Variants in DHX38 observed in about 807,000 individuals in gnomAD.
DHX38 encodes the protein pre-mRNA-splicing factor ATP-dependent RNA helicase PRP16.
In DHX38, 100 loss-of-function variants were observed where a neutral mutation model predicts 153.1. The ratio of observed to expected loss-of-function variants is 0.65; its 90% CI spans 0.56 to 0.77. The LOEUF (loss-of-function observed/expected upper bound fraction) is 0.77. Ranked by LOEUF, DHX38 falls within the 30% of genes least tolerant of loss-of-function variation. The pLI, the probability that DHX38 is intolerant of heterozygous loss-of-function variation, is 0.00. For missense variants in DHX38, 1,440 were observed against 1,654.0 expected (o/e 0.87, Z 2.24); for synonymous variants, 650 against 631.7 (o/e 1.03, Z -0.43).
In DHX38 at chr16:72,101,070, C is replaced by T. The variant is rs1435356668; in HGVS notation, c.1279-16C>T. The T allele has an allele frequency of 6.2e-7, 1 of 1,613,094 alleles. No homozygotes were observed. The highest frequency in any genetic ancestry group is 2.2e-5 in the East Asian group (1 of 44,894). On this transcript the variant is annotated splice_polypyrimidine_tract_variant and intron_variant, in intron 9 of 26. Coordinates refer to ENST00000268482, the MANE Select transcript of DHX38 (RefSeq NM_014003.4). The stretch of plus-strand genomic sequence containing the variant: ...CTGATTTTAACGGGCATCGCTCTTT[C>T]TCCCCACTGCTGCAGCCGGAGCCGG...
chr16:72,098,022 T>C (rs1367621735), intron 4 of DHX38, among the ~76,000 whole-genome samples: 1 of 152,134 alleles, frequency 6.6e-6, no homozygotes, highest in East Asian at 1.9e-4. Context: ...TAGGAAAGAA[T>C]AGGGAGCTGG....
In DHX38 at chr16:72,101,066, C is replaced by G; in HGVS notation, c.1279-20C>G. On this transcript the variant is annotated intron_variant, in intron 9 of 26. Coordinates refer to ENST00000268482, the MANE Select transcript of DHX38 (RefSeq NM_014003.4). ...CTTGCTGATTTTAACGGGCATCGCT[C>G]TTTCTCCCCACTGCTGCAGCCGGAG... is the stretch of plus-strand genomic sequence containing the variant. 6.2e-7 allele frequency: 1 copy of G among 1,612,834 alleles called. No homozygotes were observed. Among genetic ancestry groups the G allele is most frequent in the South Asian group, 1.1e-5 (1 of 91,022 alleles).
At position 72,107,543 on chromosome 16, in the gene DHX38, A is replaced by G; in HGVS notation, c.2804A>G (p.Asn935Ser). Reference sequence around the variant, plus strand: ...CTCTGGATCCTCGGGGCCCTGGACAACACAGGTGAGGCGGCCCCGGGAGCC... The same window carrying G: ...CTCTGGATCCTCGGGGCCCTGGACAGCACAGGTGAGGCGGCCCCGGGAGCC... ...YQLWILGALD[N>S]TGGLTSTGRL... is the part of the protein sequence containing the mutation. The change falls in exon 20 of 27, where the codon AAC becomes AGC. Residue 935 changes from asparagine (N) to serine (S), a missense_variant. By Grantham distance (46) the Asn-to-Ser change is conservative. Around this residue, in one of 6 missense-constraint regions of DHX38, gnomAD observed 543 missense variants for 717.9 expected, o/e 0.76. Transcript: ENST00000268482. This position sits in a 1 kb window ranked among gnomAD's most constrained non-coding sequence, Gnocchi z 5.3. 1 of 1,612,114 alleles carries G rather than the reference A, an allele frequency of 6.2e-7. No homozygotes were observed. The highest frequency in any genetic ancestry group is 1.1e-5 in the South Asian group (1 of 91,036).
In DHX38 at chr16:72,096,881, TTTGGGAACGCA is replaced by T; in HGVS notation, c.384_394del (p.Phe128LeufsTer34). 1 of 1,613,902 alleles carries T rather than the reference TTTGGGAACGCA, an allele frequency of 6.2e-7. No individual in the cohort carries two copies. Among genetic ancestry groups the T allele is most frequent in the Non-Finnish European group, 8.5e-7 (1 of 1,179,920 alleles). On this transcript the variant is annotated frameshift_variant, in exon 3 of 27. Coordinates refer to ENST00000268482, the MANE Select transcript of DHX38 (RefSeq NM_014003.4). LOFTEE classifies it high-confidence loss of function. ...CATCCGGGTGGTGTGAGCGAAGAGT[TTTGGGAACGCA>T]GTCGGCAGAGAGAGCGGGAGCGGCG...
intron 26 of DHX38, chr16:72,112,113 A>G (rs943163591): frequency 6.8e-6 from 3 of 442,598 alleles, no homozygotes; most frequent in African/African-American, 5.8e-5. Flanking sequence ...AGGCTGCTAC[A>G]CAGTTGGAGT....
In DHX38 at chr16:72,104,266, C is replaced by T; in HGVS notation, c.2010+135C>T. On this transcript the variant is annotated intron_variant, in intron 14 of 26. Coordinates refer to ENST00000268482, the MANE Select transcript of DHX38 (RefSeq NM_014003.4). The surrounding 1 kb of genome is among the most constrained non-coding windows in gnomAD (Gnocchi z 4.5). ...GTTCCTGAGGCCTCTGGTTGCAGTT[C>T]AGACTCGGGTTGTAGTTCATGCTGT... The T allele has an allele frequency of 7.9e-7, 1 of 1,271,340 alleles. No homozygotes were observed. Among genetic ancestry groups the T allele is most frequent in the South Asian group, 1.5e-5 (1 of 68,272 alleles). 78.8% of individuals were successfully genotyped at this position (1,271,340 alleles called of 1,614,324 possible).
At chr16:72,110,566 AC>A (rs2042242530) in intron 25 of DHX38, among the ~76,000 whole-genome samples, 1 of 152,118 alleles carries the variant, frequency 6.6e-6, no homozygotes, top group African/African-American at 2.4e-5. Context: ...GCTTTGGCTT[AC>A]CCCTTTTCGT....
chr16:72,111,193 T>G, intron 26 of DHX38, 116 bp downstream of exon 26: 1 of 1,393,946 alleles, frequency 7.2e-7, no homozygotes, highest in Non-Finnish European at 9.4e-7. Context: ...GAAGGCAAAC[T>G]GGTGACAGAA....
At position 72,104,849 on chromosome 16, in the gene DHX38, C is replaced by T. The variant is rs1597445311; in HGVS notation, c.2152-178C>T. ...TTTCTTTGAGGCTGAAGTACAGGGC[C>T]CAGGGAGGCACTGTGCCCTCTTGTA... On this transcript the variant is annotated intron_variant, in intron 15 of 26. Transcript: ENST00000268482. This position sits in a 1 kb window ranked among gnomAD's most constrained non-coding sequence, Gnocchi z 4.5. Among the ~76,000 whole-genome samples, 1 of 152,212 alleles carries T rather than the reference C, an allele frequency of 6.6e-6. No individual in the cohort carries two copies. Among genetic ancestry groups the T allele is most frequent in the East Asian group, 1.9e-4 (1 of 5,166 alleles).
Position 72,095,894 on chromosome 16 carries a change from GGTGTGT to G in DHX38, c.-19-222_-19-217del, listed in dbSNP as rs67109934. Among the ~76,000 whole-genome samples, 1,018 of 147,256 alleles carry G rather than the reference GGTGTGT, an allele frequency of 6.9e-3. 14 individuals are homozygous for G. Among genetic ancestry groups the G allele is most frequent in the African/African-American group, 0.023 (931 of 39,818 alleles). ...GTGGGGGCTGGGGAGGAATGTATGG[GGTGTGT>G]GTGTGTGTGTGTGTGTGTGTGTATC... is the stretch of plus-strand genomic sequence containing the variant. On this transcript the variant is annotated intron_variant, in intron 1 of 26. Transcript: ENST00000268482.
chr16:72,107,581 G>A lies in DHX38; in HGVS notation c.2809+33G>A. 6.2e-7 allele frequency: 1 copy of A among 1,609,488 alleles called. No individual in the cohort carries two copies. The highest frequency in any genetic ancestry group is 8.5e-7 in the Non-Finnish European group (1 of 1,176,228). On this transcript the variant is annotated intron_variant, in intron 20 of 26. Coordinates refer to ENST00000268482, the MANE Select transcript of DHX38 (RefSeq NM_014003.4). The surrounding 1 kb of genome is among the most constrained non-coding windows in gnomAD (Gnocchi z 5.3). The stretch of plus-strand genomic sequence containing the variant: ...GGCCCCGGGAGCCTCATGGGTGCTG[G>A]CGCTTGACTTCCTTCTTTCCTCTAC...
In DHX38 at chr16:72,107,779, G is replaced by A; in HGVS notation, c.2944G>A (p.Ala982Thr). ...LLIVSMLSVP[A>T]IFYRPKGREE... is the part of the protein sequence containing the mutation. ...CATCGTTTCCATGCTCTCGGTCCCA[G>A]CCATCTTCTACAGGCCCAAGGTGGG... Residue 982 changes from alanine (A) to threonine (T), a missense_variant, in exon 21 of 27, where the codon GCC (alanine) becomes ACC (threonine). Physicochemically the swap from Ala to Thr is moderately conservative, Grantham distance 58. Coordinates refer to ENST00000268482, the MANE Select transcript of DHX38 (RefSeq NM_014003.4). This position sits in a 1 kb window ranked among gnomAD's most constrained non-coding sequence, Gnocchi z 5.3. 1 of 1,613,812 alleles carries A rather than the reference G, an allele frequency of 6.2e-7. No homozygotes were observed. The highest frequency in any genetic ancestry group is 8.5e-7 in the Non-Finnish European group (1 of 1,180,020).
intron 11 of DHX38, among the ~76,000 whole-genome samples, chr16:72,102,594 G>C (rs1343781443): frequency 6.6e-6 from 1 of 152,222 alleles, no homozygotes; most frequent in Non-Finnish European, 1.5e-5. Context: ...AAACCGTACA[G>C]ACTATGCTTT....
intron 19 of DHX38, among the ~76,000 whole-genome samples, 168 bp downstream of exon 19, chr16:72,106,285 G>C (rs369145881): frequency 6.6e-6 from 1 of 152,214 alleles, no homozygotes; most frequent in African/African-American, 2.4e-5. Context: ...CTGAGTGGAA[G>C]GAAGGAGTGG....
chr16:72,105,408 G>C, intron 17 of DHX38, 60 bp downstream of exon 17: 1 of 1,601,048 alleles, frequency 6.2e-7, no homozygotes, highest in East Asian at 2.2e-5. Context: ...AGCGAGAGGG[G>C]ATGTGACTGT....
chr16:72,102,405 G>A (rs2042113622), intron 11 of DHX38, among the ~76,000 whole-genome samples: 1 of 152,092 alleles, frequency 6.6e-6, no homozygotes, highest in Non-Finnish European at 1.5e-5. Context: ...TGGGGAGGGG[G>A]TTGGGGAGGG....
chr16:72,099,800 C>G lies in DHX38; in HGVS notation c.1029C>G (p.Ser343=). The part of the protein sequence containing the change: ...YDEFHNPLAY[S]SEDYVRRREQ... ...AGTTCCACAACCCGCTGGCCTACTCCTCCGAGGACTACGTGAGGAGGCGGG... is the reference window on the plus strand; with the variant it reads ...AGTTCCACAACCCGCTGGCCTACTCGTCCGAGGACTACGTGAGGAGGCGGG... The change falls in exon 8 of 27, where the codon TCC becomes TCG. Residue 343 remains serine (S), a synonymous_variant. Transcript: ENST00000268482. 1 of 1,614,176 alleles carries G rather than the reference C, an allele frequency of 6.2e-7. No individual in the cohort carries two copies. The highest frequency in any genetic ancestry group is 8.5e-7 in the Non-Finnish European group (1 of 1,180,032).
At position 72,105,477 on chromosome 16, in the gene DHX38, C is replaced by G. The variant is rs201627330; in HGVS notation, c.2380-40C>G. On this transcript the variant is annotated intron_variant, in intron 17 of 26. Coordinates refer to ENST00000268482, the MANE Select transcript of DHX38 (RefSeq NM_014003.4). ...CCCCCTCGCGGAGCCTTTCCTGTCT[C>G]GAGGGACTCATTTTTCCCTTCCTGT... The G allele has an allele frequency of 2.1e-5, 34 of 1,610,748 alleles. 1 individual carries two copies. The South Asian group carries it at 3.4e-4, about 16-fold the overall frequency.
chr16:72,101,731 C>G (rs2144147882), intron 11 of DHX38, 119 bp downstream of exon 11: 2 of 719,680 alleles, frequency 2.8e-6, no homozygotes, highest in East Asian at 5.5e-5. Context: ...TAGGATACCT[C>G]TCTGCATCTT....
Sources: gnomAD v4.1 joint callset for allele counts (sites outside exome capture counted in the v4.1 genomes callset) on GRCh38, gnomAD v4.1.1 for gene constraint, gnomAD v4.1.1 regional missense constraint, Gnocchi (gnomAD v3.1) non-coding constraint, MANE v1.5 for transcripts, NCBI Gene and HGNC (gene_info 2026-07-23, HGNC 2026-07-21) for gene names.